ANAPC10: variants seen among roughly 807,000 people sequenced by gnomAD.
ANAPC10 encodes anaphase-promoting complex subunit 10.
ANAPC10 carries 12 observed loss-of-function variants against 22.0 expected under a neutral mutation model. The observed-to-expected ratio is 0.55, with a 90% confidence interval of 0.35 to 0.88. The LOEUF (loss-of-function observed/expected upper bound fraction) is 0.88, where lower values mean the gene tolerates loss of function less well. Ranked by LOEUF, ANAPC10 falls within the 40% of genes least tolerant of loss-of-function variation. ANAPC10 has a pLI of 0.01. For synonymous variants in ANAPC10, 65 were observed against 69.5 expected (o/e 0.94, Z 0.32); for missense variants, 188 against 220.9 (o/e 0.85, Z 0.94).
At chr4:145,084,381 T>C (rs535389284) in intron 2 of ANAPC10, among the ~76,000 whole-genome samples, 1 of 152,248 alleles carries the variant, frequency 6.6e-6, no homozygotes, top group African/African-American at 2.4e-5. Flanking sequence ...AAAAATGGCA[T>C]ACATGGAAAA....
Position 145,052,355 on chromosome 4 carries a change from T to C in ANAPC10, c.327+12217A>G, listed in dbSNP as rs930201246. On this transcript the variant is annotated intron_variant, in intron 4 of 4. Transcript: ENST00000507656. ...ATGTATAAAAATATCAAAACATCAT[T>C]ATAAGCACCATAAATATACACAATT... Among the ~76,000 whole-genome samples, 4 of 152,294 alleles carry C rather than the reference T, an allele frequency of 2.6e-5. No homozygotes were observed. The South Asian group carries it at 6.2e-4, about 24-fold the overall frequency.
intron 3 of ANAPC10, 148 bp from the exon 4 acceptor site, chr4:145,064,840 A>C: frequency 3.0e-6 from 2 of 673,654 alleles, no homozygotes; most frequent in Non-Finnish European, 4.6e-6. Context: ...CAAAAATGAA[A>C]AATGTAAAAA....
intron 2 of ANAPC10, among the ~76,000 whole-genome samples, chr4:145,083,149 A>T (rs976269762): frequency 1.6e-4 from 24 of 152,052 alleles, no homozygotes; most frequent in Admixed American, 9.8e-4. Flanking sequence ...TCAATAAATT[A>T]ACAACAATAA....
At chr4:145,026,254 A>T (rs1736642010) in intron 4 of ANAPC10, among the ~76,000 whole-genome samples, 1 of 152,206 alleles carries the variant, frequency 6.6e-6, no homozygotes, top group Admixed American at 6.5e-5. Flanking sequence ...ACATTTATTG[A>T]TTGACTGAAT....
intron 4 of ANAPC10, among the ~76,000 whole-genome samples, chr4:145,020,875 G>A (rs1023311726): frequency 6.6e-6 from 1 of 151,192 alleles, no homozygotes; most frequent in South Asian, 2.1e-4. Flanking sequence ...AAAAAACTTA[G>A]GAATATACCT....
At chr4:145,084,571 T>G (rs1037765885) in intron 2 of ANAPC10, among the ~76,000 whole-genome samples, 2 of 151,854 alleles carry the variant, frequency 1.3e-5, no homozygotes, top group Admixed American at 1.3e-4. Flanking sequence ...TTAACAATAG[T>G]TGATGAGCTA....
At chr4:145,030,778 T>C (rs890872850) in intron 4 of ANAPC10, among the ~76,000 whole-genome samples, 1 of 152,044 alleles carries the variant, frequency 6.6e-6, no homozygotes, top group Non-Finnish European at 1.5e-5. Flanking sequence ...CTTAGAAAAA[T>C]AGTAAATCAA....
chr4:145,081,598 T>TA, intron 3 of ANAPC10, 62 bp downstream of exon 3: 3 of 1,051,992 alleles, frequency 2.9e-6, no homozygotes, highest in Non-Finnish European at 4.2e-6. Flanking sequence ...TTTATGTTAA[T>TA]AAAATAGATT....
At chr4:145,026,439 G>C (rs1398138555) in intron 4 of ANAPC10, among the ~76,000 whole-genome samples, 2 of 152,026 alleles carry the variant, frequency 1.3e-5, no homozygotes, top group East Asian at 1.9e-4. Flanking sequence ...AGCAGGAAAA[G>C]ACAGAGCTGA....
chr4:145,068,389 G>C (rs1275309168), intron 3 of ANAPC10, among the ~76,000 whole-genome samples: 1 of 151,716 alleles, frequency 6.6e-6, no homozygotes, highest in Non-Finnish European at 1.5e-5. Context: ...TAAACCCTAA[G>C]GTACAAAACT....
chr4:145,018,138 T>TAA (rs1278275807), intron 4 of ANAPC10, among the ~76,000 whole-genome samples: 5 of 148,886 alleles, frequency 3.4e-5, no homozygotes, highest in Non-Finnish European at 7.4e-5. Flanking sequence ...TATATATATA[T>TAA]AAATAAAATA....
intron 2 of ANAPC10, among the ~76,000 whole-genome samples, chr4:145,092,115 TGAC>T (rs1747769155): frequency 6.6e-6 from 1 of 151,834 alleles, no homozygotes; most frequent in Non-Finnish European, 1.5e-5. Flanking sequence ...AGCTAAACAA[TGAC>T]AACAAATGGA....
At chr4:145,042,704 A>T (rs1034630216) in intron 4 of ANAPC10, among the ~76,000 whole-genome samples, 4 of 152,086 alleles carry the variant, frequency 2.6e-5, no homozygotes, top group African/African-American at 9.7e-5. Context: ...GAAAACACAG[A>T]GTCTTTATTC....
chr4:145,047,612 A>G (rs1740512575), intron 4 of ANAPC10, among the ~76,000 whole-genome samples: 1 of 151,924 alleles, frequency 6.6e-6, no homozygotes, highest in Non-Finnish European at 1.5e-5. Context: ...AACACTTCTC[A>G]ATGCCTTTCA....
intron 2 of ANAPC10, among the ~76,000 whole-genome samples, chr4:145,089,429 C>A (rs1002410171): frequency 2.0e-5 from 3 of 152,014 alleles, no homozygotes; most frequent in African/African-American, 7.3e-5. Context: ...CTTATTTTTC[C>A]CCTAAATTTG....
intron 3 of ANAPC10, among the ~76,000 whole-genome samples, chr4:145,073,700 T>C (rs935925465): frequency 2.6e-5 from 4 of 152,124 alleles, no homozygotes; most frequent in Non-Finnish European, 5.9e-5. Context: ...TATTAAACTA[T>C]CAAAATTTCT....
At chr4:145,033,911 TCC>T (rs1738022908) in intron 4 of ANAPC10, among the ~76,000 whole-genome samples, 2 of 152,222 alleles carry the variant, frequency 1.3e-5, no homozygotes, top group South Asian at 4.1e-4. Context: ...TCATTTTATT[TCC>T]TTTTCCTTTA....
In ANAPC10 at chr4:145,026,963, A is replaced by G. The variant is rs370730116; in HGVS notation, c.328-31360T>C. Among the ~76,000 whole-genome samples, 158 of 21,578 alleles carry G rather than the reference A, an allele frequency of 7.3e-3. 3 individuals are homozygous for G. The highest frequency in any genetic ancestry group is 0.023 in the East Asian group (6 of 258). The allele number at this position is 21,578 out of a possible 152,430, so 14.2% of individuals were successfully genotyped here. On this transcript the variant is annotated intron_variant, in intron 4 of 4. Coordinates refer to ENST00000507656, the MANE Select transcript of ANAPC10 (RefSeq NM_001256706.2). ...TATATATATGTGTGTGTGTGTATAT[A>G]TATATATATATATATATATATATAT...
intron 4 of ANAPC10, among the ~76,000 whole-genome samples, chr4:145,030,514 G>T (rs1293103839): frequency 6.6e-6 from 1 of 152,158 alleles, no homozygotes; most frequent in Admixed American, 6.5e-5. Context: ...AGTCATTTCG[G>T]TCCTCCAGTT....
Sources: gnomAD v4.1 joint callset for allele counts (sites outside exome capture counted in the v4.1 genomes callset) on GRCh38, gnomAD v4.1.1 for gene constraint, MANE v1.5 for transcripts, NCBI Gene and HGNC (gene_info 2026-07-23, HGNC 2026-07-21) for gene names.